Variants in DLGAP2 observed in about 807,000 individuals in gnomAD.
DLGAP2 encodes the protein disks large-associated protein 2.
In DLGAP2, 26 loss-of-function variants were observed where a neutral mutation model predicts 100.3. The observed-to-expected ratio is 0.26, with a 90% CI of 0.19 to 0.36. The LOEUF (loss-of-function observed/expected upper bound fraction) is 0.36, where lower values mean the gene tolerates loss of function less well. Ranked by LOEUF, DLGAP2 falls within the 10% of genes least tolerant of loss-of-function variation. The probability of loss-of-function intolerance (pLI) is 1.00; values close to 1 mark genes in which losing one functional copy is unlikely to be tolerated. For missense variants in DLGAP2, 1,858 were observed against 1,453.2 expected (o/e 1.28, Z -4.53); for synonymous variants, 886 against 630.1 (o/e 1.41, Z -6.08).
At chr8:1,231,239 G>T (rs1003930512) in intron 2 of DLGAP2, among the ~76,000 whole-genome samples, 1 of 152,128 alleles carries the variant, frequency 6.6e-6, no homozygotes, top group African/African-American at 2.4e-5. Flanking sequence ...ACGAAAAAAT[G>T]CTCCATATCT....
chr8:1,264,021 C>T (rs1020056622), intron 3 of DLGAP2, among the ~76,000 whole-genome samples: 1 of 152,124 alleles, frequency 6.6e-6, no homozygotes, highest in Non-Finnish European at 1.5e-5. Flanking sequence ...AAAACAGTCT[C>T]TAGGGTAAGA....
intron 1 of DLGAP2, among the ~76,000 whole-genome samples, chr8:893,547 C>T (rs993594363): frequency 5.3e-5 from 8 of 152,316 alleles, no homozygotes; most frequent in African/African-American, 1.2e-4. Flanking sequence ...CCCAGTCCTG[C>T]GGTCTTGGAT....
At chr8:1,619,398 G>C (rs559424009) in intron 6 of DLGAP2, among the ~76,000 whole-genome samples, 1 of 152,176 alleles carries the variant, frequency 6.6e-6, no homozygotes, top group African/African-American at 2.4e-5. Flanking sequence ...AGTGAGACCT[G>C]TGCCTTTCAC....
rs116889781 is a variant in DLGAP2, at chr8:1,391,686, C to T, written c.107-109680C>T. ...AAGGTTTAGAGGGCAGAGGGCCTGG[C>T]GATGTGTTTTCTGTTCTTGATTTCA... On this transcript the variant is annotated intron_variant, in intron 3 of 14. Transcript: ENST00000637795. Among the ~76,000 whole-genome samples the T allele has an allele frequency of 3.6e-3, 555 of 152,300 alleles. 12 individuals are homozygous for T. The East Asian group carries it at 0.051, about 14-fold the overall frequency.
intron 1 of DLGAP2, chr8:891,139 C>CG (rs1418789186): frequency 6.6e-6 from 1 of 152,356 alleles, no homozygotes; most frequent in Non-Finnish European, 1.5e-5. Flanking sequence ...ACCCCCCCCC[C>CG]AGTTGCCAAG....
At chr8:1,476,071 G>A (rs763081832) in intron 3 of DLGAP2, among the ~76,000 whole-genome samples, 35 of 152,322 alleles carry the variant, frequency 2.3e-4, no homozygotes, top group Non-Finnish European at 2.1e-4. Flanking sequence ...TCACTGTTCT[G>A]TTGGGATTAT....
chr8:980,685 G>C (rs577649612), intron 2 of DLGAP2, among the ~76,000 whole-genome samples: 2 of 152,308 alleles, frequency 1.3e-5, no homozygotes, highest in South Asian at 4.1e-4. Flanking sequence ...AGGAAGGAGA[G>C]ACTCCAGCAG....
chr8:1,377,322 A>G (rs947618029), intron 3 of DLGAP2, among the ~76,000 whole-genome samples: 10 of 152,230 alleles, frequency 6.6e-5, no homozygotes, highest in Non-Finnish European at 4.4e-5. Context: ...AGGCGGGCGA[A>G]TCACGAAGTC....
intron 1 of DLGAP2, among the ~76,000 whole-genome samples, chr8:891,819 A>G (rs142258264): frequency 2.8e-4 from 43 of 152,224 alleles, no homozygotes; most frequent in Non-Finnish European, 4.9e-4. Context: ...CTGCCTGGGG[A>G]TACAAAGCCT....
At chr8:1,324,551 TC>T (rs1800977715) in intron 3 of DLGAP2, among the ~76,000 whole-genome samples, 1 of 152,204 alleles carries the variant, frequency 6.6e-6, no homozygotes. Context: ...TGTAAAACTG[TC>T]CAGGACACAG....
intron 6 of DLGAP2, among the ~76,000 whole-genome samples, chr8:1,576,313 T>G (rs1802976281): frequency 6.6e-6 from 1 of 152,224 alleles, no homozygotes; most frequent in South Asian, 2.1e-4. Flanking sequence ...GTTGATGGGG[T>G]TGTTTATTTT....
intron 4 of DLGAP2, among the ~76,000 whole-genome samples, chr8:1,545,599 C>T (rs1801508369): frequency 6.6e-6 from 1 of 152,206 alleles, no homozygotes; most frequent in African/African-American, 2.4e-5. Flanking sequence ...ACATTGTGCA[C>T]ACCTAAAAAA....
chr8:1,454,059 A>T (rs1009172673), intron 3 of DLGAP2, among the ~76,000 whole-genome samples: 1 of 152,260 alleles, frequency 6.6e-6, no homozygotes, highest in South Asian at 2.1e-4. Context: ...GTTGAATGAC[A>T]GATCGCAAAG....
intron 8 of DLGAP2, among the ~76,000 whole-genome samples, chr8:1,656,180 A>AGGCGTGGTAC (rs1798280267): frequency 6.6e-6 from 1 of 152,124 alleles, no homozygotes; most frequent in Non-Finnish European, 1.5e-5. Flanking sequence ...AAAATTAGCC[A>AGGCGTGGTAC]GGCGTGGTAC....
intron 2 of DLGAP2, among the ~76,000 whole-genome samples, chr8:1,168,061 G>A (rs1443908664): frequency 3.3e-5 from 4 of 122,090 alleles, no homozygotes; most frequent in African/African-American, 1.3e-4. Flanking sequence ...TCCCCAGAGT[G>A]TGATGTTCCC....
At chr8:1,190,752 G>T (rs578250605) in intron 2 of DLGAP2, among the ~76,000 whole-genome samples, 1 of 152,152 alleles carries the variant, frequency 6.6e-6, no homozygotes, top group Non-Finnish European at 1.5e-5. Flanking sequence ...CTTACACCAG[G>T]GGCAGACCCA....
At chr8:890,067 G>A (rs1798003641) in intron 1 of DLGAP2, among the ~76,000 whole-genome samples, 1 of 152,254 alleles carries the variant, frequency 6.6e-6, no homozygotes, top group East Asian at 1.9e-4. Context: ...CTCTCTGTGG[G>A]TCACGCCAGC....
intron 2 of DLGAP2, among the ~76,000 whole-genome samples, chr8:925,644 G>T (rs1332182533): frequency 9.9e-5 from 15 of 152,102 alleles, no homozygotes; most frequent in Admixed American, 9.8e-4. Context: ...ATATGTGGGT[G>T]TATTTGTTTA....
chr8:1,390,172 C>G (rs976471054), intron 3 of DLGAP2, among the ~76,000 whole-genome samples: 41 of 152,042 alleles, frequency 2.7e-4, no homozygotes, highest in African/African-American at 9.4e-4. Context: ...TCTGAGCTCT[C>G]CAGATGTAAA....
Sources: gnomAD v4.1 joint callset for allele counts (sites outside exome capture counted in the v4.1 genomes callset) on GRCh38, gnomAD v4.1.1 for gene constraint, MANE v1.5 for transcripts, NCBI Gene and HGNC (gene_info 2026-07-23, HGNC 2026-07-21) for gene names.